CFAP47: variants seen among roughly 807,000 people sequenced by gnomAD.
The protein encoded by CFAP47 is cilia and flagella associated protein 47, also known as cilia- and flagella-associated protein 47.
In CFAP47, 29 loss-of-function variants were observed where a neutral mutation model predicts 148.1. That is an observed-to-expected ratio of 0.20 (90% CI 0.15 to 0.27). The LOEUF (loss-of-function observed/expected upper bound fraction) is 0.27, where lower values mean the gene tolerates loss of function less well. Ranked by LOEUF, CFAP47 falls within the 10% of genes least tolerant of loss-of-function variation. The pLI, the probability that CFAP47 is intolerant of heterozygous loss-of-function variation, is 1.00. For synonymous variants in CFAP47, 664 were observed against 577.3 expected (o/e 1.15, Z -2.15); for missense variants, 1,872 against 1,697.5 (o/e 1.10, Z -1.81).
intron 57 of CFAP47, among the ~76,000 whole-genome samples, chrX:36,336,250 C>CAG (rs1169812792): frequency 1.1e-4 from 6 of 53,928 alleles, no homozygotes; most frequent in Admixed American, 1.7e-4. Context: ...CACAGACACA[C>CAG]ACACACACAC....
At chrX:36,176,432 A>T (rs1939682313) in intron 39 of CFAP47, among the ~76,000 whole-genome samples, 1 of 112,347 alleles carries the variant, frequency 8.9e-6, no homozygotes, top group South Asian at 3.6e-4. Context: ...CTTGCTTCTC[A>T]AAGTGTTATC....
chrX:36,341,785 A>C (rs1941655792), intron 57 of CFAP47, among the ~76,000 whole-genome samples: 1 of 111,182 alleles, frequency 9.0e-6, no homozygotes, highest in South Asian at 3.8e-4. Flanking sequence ...CTGAGATACT[A>C]AACATGATTT....
At chrX:35,993,821 GA>G (rs1030286706) in intron 18 of CFAP47, among the ~76,000 whole-genome samples, 2 of 110,959 alleles carry the variant, frequency 1.8e-5, no homozygotes, top group Admixed American at 9.6e-5. Flanking sequence ...GGTAGATTAG[GA>G]AAAAAATAAT....
Position 36,384,888 on chromosome X carries a change from A to T in CFAP47, c.9446A>T (p.His3149Leu). 8.6e-7 allele frequency: 1 copy of T among 1,166,531 alleles called. No homozygotes were observed. The highest frequency in any genetic ancestry group is 3.3e-5 in the East Asian group (1 of 30,755). The change falls in exon 64 of 64, where the codon CAC becomes CTC. Residue 3149 changes from histidine to leucine, a missense_variant. By Grantham distance (99) the His-to-Leu change is moderately conservative (BLOSUM62 -3). Coordinates refer to ENST00000378653, the MANE Select transcript of CFAP47 (RefSeq NM_001304548.2). ...GCAAAAGCCAAAATTGATGCTACTC[A>T]CAAGACACATGACAACATGCCAGTC... is the stretch of plus-strand genomic sequence containing the variant. ...KNAKAKIDAT[H>L]KTHDNMPVRP...
chrX:36,141,059 A>ATTTT (rs34667862), intron 35 of CFAP47, among the ~76,000 whole-genome samples: 1,274 of 91,873 alleles, frequency 0.014, 23 homozygotes, highest in African/African-American at 0.055. Context: ...TTGTCCTTAA[A>ATTTT]TTTTTTTTTT....
intron 15 of CFAP47, among the ~76,000 whole-genome samples, chrX:35,978,616 C>A (rs1936600845): frequency 9.0e-6 from 1 of 111,515 alleles, no homozygotes; most frequent in Admixed American, 9.6e-5. Flanking sequence ...AAAATATAAT[C>A]CTCAAATCTA....
In CFAP47 at chrX:36,049,504, A is replaced by T. The variant is rs1033320839; in HGVS notation, c.4217+2441A>T. ...TTCTCTCTCTCACACACACACACAC[A>T]CACACACACACACACACACACACTA... On this transcript the variant is annotated intron_variant, in intron 26 of 63. Coordinates refer to ENST00000378653, the MANE Select transcript of CFAP47 (RefSeq NM_001304548.2). Among the ~76,000 whole-genome samples the T allele has an allele frequency of 3.3e-4, 36 of 108,678 alleles. 1 individual carries two copies. The highest frequency in any genetic ancestry group is 9.6e-5 in the Non-Finnish European group (5 of 52,170). 94.4% of individuals were successfully genotyped at this position (108,678 alleles called of 115,157 possible). A position where few individuals can be genotyped will look rare whatever the true frequency, so the allele number is the denominator to read the frequency against.
chrX:36,126,783 G>T (rs184791942), intron 33 of CFAP47, among the ~76,000 whole-genome samples: 3 of 111,648 alleles, frequency 2.7e-5, no homozygotes, highest in South Asian at 7.4e-4. Context: ...TTTAATGATC[G>T]CCATTCTAAC....
intron 1 of CFAP47, among the ~76,000 whole-genome samples, chrX:35,924,387 ATG>A (rs1935687060): frequency 9.5e-6 from 1 of 105,402 alleles, no homozygotes; most frequent in Admixed American, 9.8e-5. Flanking sequence ...ATGCACACAT[ATG>A]TGTATATATG....
chrX:36,214,019 T>C (rs1940131612), intron 45 of CFAP47, among the ~76,000 whole-genome samples: 1 of 111,234 alleles, frequency 9.0e-6, no homozygotes, highest in Admixed American at 9.6e-5. Flanking sequence ...ACAAAGGGGA[T>C]ACATTCTGAG....
chrX:36,062,679 G>C (rs773002458), intron 26 of CFAP47, among the ~76,000 whole-genome samples: 14 of 111,052 alleles, frequency 1.3e-4, no homozygotes, highest in Non-Finnish European at 2.5e-4. Flanking sequence ...TCCGTAGACA[G>C]ATTAGTTGTT....
intron 2 of CFAP47, among the ~76,000 whole-genome samples, chrX:35,937,341 GAA>G (rs2146627612): frequency 9.2e-6 from 1 of 108,611 alleles, no homozygotes; most frequent in East Asian, 3.0e-4. Context: ...TCCAGAAAAA[GAA>G]TGATTCTAAC....
At chrX:36,216,778 C>A (rs1346862851) in intron 45 of CFAP47, among the ~76,000 whole-genome samples, 1 of 111,041 alleles carries the variant, frequency 9.0e-6, no homozygotes, top group Non-Finnish European at 1.9e-5. Context: ...GCCACAAGAC[C>A]AGATGAGCCA....
At chrX:36,016,290 TG>T (rs1314112574) in intron 22 of CFAP47, among the ~76,000 whole-genome samples, 1 of 110,491 alleles carries the variant, frequency 9.1e-6, no homozygotes, top group African/African-American at 3.3e-5. Flanking sequence ...CCCCTCATCC[TG>T]CCCCTCATCC....
intron 59 of CFAP47, among the ~76,000 whole-genome samples, chrX:36,350,546 A>G (rs1418182911): frequency 9.0e-6 from 1 of 111,194 alleles, no homozygotes; most frequent in Non-Finnish European, 1.9e-5. Flanking sequence ...TGTCTCAAGC[A>G]TAAAACTTTA....
At chrX:36,163,577 G>C (rs1350510952) in intron 39 of CFAP47, among the ~76,000 whole-genome samples, 2 of 109,692 alleles carry the variant, frequency 1.8e-5, no homozygotes, top group Non-Finnish European at 1.9e-5. Flanking sequence ...CATATGTTTT[G>C]GAATGTGTTA....
At position 35,926,172 on chromosome X, in the gene CFAP47, T is replaced by A. The variant is rs1046453011; in HGVS notation, c.401+4T>A. On this transcript the variant is annotated splice_donor_region_variant and intron_variant, in intron 2 of 63. Transcript: ENST00000378653. Reference sequence around the variant, plus strand: ...CAACAGAAATTCCTCTAATTGGGTATGTAATCTTCATAGTTCATGCTGACA... The same window carrying A: ...CAACAGAAATTCCTCTAATTGGGTAAGTAATCTTCATAGTTCATGCTGACA... The A allele has an allele frequency of 9.3e-6, 11 of 1,177,815 alleles. No individual in the cohort carries two copies. The highest frequency in any genetic ancestry group is 2.3e-4 in the Middle Eastern group (1 of 4,272).
chrX:36,056,604 G>T (rs1359262739), intron 26 of CFAP47, among the ~76,000 whole-genome samples: 1 of 112,130 alleles, frequency 8.9e-6, no homozygotes, highest in Non-Finnish European at 1.9e-5. Context: ...ATTTTTTTAT[G>T]ATTTGGAAAT....
At position 36,114,153 on chromosome X, in the gene CFAP47, T is replaced by G. The variant is rs781046052; in HGVS notation, c.5320+9462T>G. On this transcript the variant is annotated intron_variant, in intron 33 of 63. Coordinates refer to ENST00000378653, the MANE Select transcript of CFAP47 (RefSeq NM_001304548.2). ...CATTGTCTATTGTGCTATTAATACT[T>G]GTGACTGCATTATGAAATTTTTGTA... 1.6e-4 allele frequency among the ~76,000 whole-genome samples: 18 copies of G among 111,853 alleles called. 1 individual carries two copies. The South Asian group carries it at 3.4e-3, about 21-fold the overall frequency.
Sources: gnomAD v4.1 joint callset for allele counts (sites outside exome capture counted in the v4.1 genomes callset) on GRCh38, gnomAD v4.1.1 for gene constraint, MANE v1.5 for transcripts, NCBI Gene and HGNC (gene_info 2026-07-23, HGNC 2026-07-21) for gene names.